Variants in ADARB2 observed in about 807,000 individuals in gnomAD.
The protein encoded by ADARB2 is adenosine deaminase RNA specific B2 (inactive).
In ADARB2, 25 loss-of-function variants were observed where a neutral mutation model predicts 62.2. That is an observed-to-expected ratio of 0.40 (90% CI 0.29 to 0.56). The LOEUF is 0.56. Among genes scored for constraint, ADARB2 ranks in the 20% least tolerant of loss-of-function variants. The pLI, the probability that ADARB2 is intolerant of heterozygous loss-of-function variation, is 0.43. For synonymous variants in ADARB2, 572 were observed against 500.8 expected (o/e 1.14, Z -1.90); for missense variants, 1,071 against 1,077.4 (o/e 0.99, Z 0.08).
At chr10:1,598,485 G>T (rs1833365635) in intron 1 of ADARB2, among the ~76,000 whole-genome samples, 2 of 152,250 alleles carry the variant, frequency 1.3e-5, no homozygotes, top group Admixed American at 1.3e-4. Flanking sequence ...ACCCAGCCTT[G>T]CTCAGATGCC....
At chr10:1,547,064 C>T (rs1832531863) in intron 1 of ADARB2, among the ~76,000 whole-genome samples, 1 of 152,256 alleles carries the variant, frequency 6.6e-6, no homozygotes. Context: ...GGGTGGGAGG[C>T]CTTGGCTACA....
intron 1 of ADARB2, among the ~76,000 whole-genome samples, chr10:1,469,252 G>T (rs1588269436): frequency 6.6e-6 from 1 of 152,252 alleles, no homozygotes; most frequent in Admixed American, 6.5e-5. Flanking sequence ...AAGCACCGCG[G>T]TCTGCGCACG....
At chr10:1,458,012 G>GATCT (rs1554764695) in intron 1 of ADARB2, among the ~76,000 whole-genome samples, 3 of 151,584 alleles carry the variant, frequency 2.0e-5, no homozygotes, top group Non-Finnish European at 2.9e-5. Context: ...TTTCTCTCCT[G>GATCT]CTCTTTCCCC....
At chr10:1,734,953 C>T (rs972845699) in intron 1 of ADARB2, among the ~76,000 whole-genome samples, 16 of 150,268 alleles carry the variant, frequency 1.1e-4, no homozygotes, top group African/African-American at 3.9e-4. Context: ...AATCAATTCC[C>T]AGGAAAATGC....
chr10:1,465,238 G>A (rs962823563), intron 1 of ADARB2, among the ~76,000 whole-genome samples: 8 of 152,204 alleles, frequency 5.3e-5, no homozygotes, highest in Admixed American at 5.2e-4. Context: ...ACAGGAATGG[G>A]CCACAGAGGG....
chr10:1,564,998 C>T (rs985508704), intron 1 of ADARB2, among the ~76,000 whole-genome samples: 5 of 152,220 alleles, frequency 3.3e-5, no homozygotes, highest in African/African-American at 1.2e-4. Context: ...CCCACCTGGC[C>T]TGGGGGCCGA....
intron 1 of ADARB2, among the ~76,000 whole-genome samples, chr10:1,414,349 A>C (rs537173516): frequency 6.6e-6 from 1 of 152,310 alleles, no homozygotes; most frequent in African/African-American, 2.4e-5. Flanking sequence ...TGGAACACCA[A>C]GCTCTGTGCT....
At chr10:1,444,177 C>G (rs1299395491) in intron 1 of ADARB2, among the ~76,000 whole-genome samples, 1 of 147,870 alleles carries the variant, frequency 6.8e-6, no homozygotes, top group East Asian at 2.1e-4. Context: ...CACCCACTTA[C>G]TCATTCATCC....
At chr10:1,577,715 C>T (rs1201980307) in intron 1 of ADARB2, among the ~76,000 whole-genome samples, 1 of 152,170 alleles carries the variant, frequency 6.6e-6, no homozygotes, top group Non-Finnish European at 1.5e-5. Flanking sequence ...ACACAGGGAG[C>T]AGCCCAATGT....
At chr10:1,703,841 C>G (rs945473476) in intron 1 of ADARB2, among the ~76,000 whole-genome samples, 2 of 152,206 alleles carry the variant, frequency 1.3e-5, no homozygotes, top group African/African-American at 4.8e-5. Context: ...TCACTATACA[C>G]TGGCTTTCAA....
chr10:1,496,966 C>A (rs1303511930), intron 1 of ADARB2, among the ~76,000 whole-genome samples: 2 of 152,178 alleles, frequency 1.3e-5, no homozygotes, highest in Non-Finnish European at 1.5e-5. Flanking sequence ...ATATTTATAG[C>A]ACCATGACCC....
At chr10:1,581,819 GAA>G (rs1311286727) in intron 1 of ADARB2, among the ~76,000 whole-genome samples, 1 of 134,256 alleles carries the variant, frequency 7.4e-6, no homozygotes, top group East Asian at 2.3e-4. Context: ...AGATGACTTA[GAA>G]ATAGATGTGT....
chr10:1,734,007 T>G (rs1275367875), intron 1 of ADARB2, among the ~76,000 whole-genome samples: 1 of 29,048 alleles, frequency 3.4e-5, no homozygotes, highest in Non-Finnish European at 1.0e-4. Flanking sequence ...CTTCTCATAG[T>G]TTTTTTTTTT....
In ADARB2 at chr10:1,363,535, C is replaced by T. The variant is rs372200566; in HGVS notation, c.570G>A (p.Val190=). 1 of 1,558,016 alleles carries T rather than the reference C, an allele frequency of 6.4e-7. No homozygotes were observed. The highest frequency in any genetic ancestry group is 8.7e-7 in the Non-Finnish European group (1 of 1,154,638). The change falls in exon 3 of 10, where the codon GTG becomes GTA. Residue 190 remains valine (V), a synonymous_variant. Transcript: ENST00000381312. The stretch of plus-strand genomic sequence containing the variant: ...GCGCCTGGCAGGCGTTGGGGAACTG[C>T]ACGAAGGACCTGAGTGCCAGCTCCG... ...RAAELALRSF[V]QFPNACQAHL...
chr10:1,445,279 C>T (rs900619102), intron 1 of ADARB2, among the ~76,000 whole-genome samples: 5 of 152,100 alleles, frequency 3.3e-5, no homozygotes, highest in African/African-American at 1.2e-4. Context: ...TCCATCCACC[C>T]ACCCACCCAT....
intron 1 of ADARB2, among the ~76,000 whole-genome samples, chr10:1,609,419 C>A (rs1327038777): frequency 6.6e-6 from 1 of 152,248 alleles, no homozygotes; most frequent in African/African-American, 2.4e-5. Flanking sequence ...CCCCACCTGC[C>A]AGCCCTGTCT....
At chr10:1,229,730 G>T (rs1473913984) in intron 6 of ADARB2, among the ~76,000 whole-genome samples, 2 of 27,374 alleles carry the variant, frequency 7.3e-5, no homozygotes, top group Non-Finnish European at 1.9e-4. Context: ...GTGTGCACTT[G>T]TGCTTGTTTG....
chr10:1,578,943 G>C (rs138256485), intron 1 of ADARB2, among the ~76,000 whole-genome samples: 113 of 152,314 alleles, frequency 7.4e-4, no homozygotes, highest in African/African-American at 2.5e-3. Flanking sequence ...GTGGGACACA[G>C]AGGAAGGATG....
chr10:1,357,135 A>G (rs1161100079), intron 3 of ADARB2, among the ~76,000 whole-genome samples: 2 of 152,244 alleles, frequency 1.3e-5, no homozygotes, highest in East Asian at 1.9e-4. Context: ...AACCGAACTC[A>G]GGACACTGCA....
Sources: gnomAD v4.1 joint callset for allele counts (sites outside exome capture counted in the v4.1 genomes callset) on GRCh38, gnomAD v4.1.1 for gene constraint, MANE v1.5 for transcripts, NCBI Gene and HGNC (gene_info 2026-07-23, HGNC 2026-07-21) for gene names.